Variants in PLGRKT observed in about 807,000 individuals in gnomAD.
PLGRKT encodes the protein plasminogen receptor with a C-terminal lysine.
A neutral mutation model predicts 18.5 loss-of-function variants in PLGRKT; 22 were observed. The ratio of observed to expected loss-of-function variants is 1.19; its 90% CI spans 0.85 to 1.70. The LOEUF is 1.70. Among genes scored for constraint, PLGRKT ranks in the 40% most tolerant of loss-of-function variants. PLGRKT has a pLI of 0.00. For missense variants in PLGRKT, 235 were observed against 174.4 expected, an observed-to-expected ratio of 1.35 and a Z score of -1.96; for synonymous variants, 72 against 52.8, an observed-to-expected ratio of 1.36 and a Z score of -1.58.
chr9:5,378,678 A>G (rs996711604), intron 3 of PLGRKT, among the ~76,000 whole-genome samples: 9 of 152,218 alleles, frequency 5.9e-5, no homozygotes, highest in Non-Finnish European at 7.3e-5. Flanking sequence ...ATTAATGAAG[A>G]AGATAGAAGA....
At chr9:5,388,900 T>C (rs1371530228) in intron 3 of PLGRKT, among the ~76,000 whole-genome samples, 1 of 152,078 alleles carries the variant, frequency 6.6e-6, no homozygotes, top group Non-Finnish European at 1.5e-5. Context: ...AAGTGCTAAA[T>C]AAGTATTAGG....
intron 3 of PLGRKT, among the ~76,000 whole-genome samples, chr9:5,383,636 A>G (rs189066918): frequency 9.5e-4 from 145 of 152,302 alleles, no homozygotes; most frequent in African/African-American, 3.4e-3. Flanking sequence ...GATGGGAGAT[A>G]GTGACAGGTC....
chr9:5,414,299 T>G (rs1049499354), intron 3 of PLGRKT, among the ~76,000 whole-genome samples: 1 of 152,158 alleles, frequency 6.6e-6, no homozygotes, highest in Non-Finnish European at 1.5e-5. Context: ...CCCAAGTAGC[T>G]GGTATTACAG....
chr9:5,435,417 A>G (rs563431878), intron 2 of PLGRKT, among the ~76,000 whole-genome samples: 3 of 151,260 alleles, frequency 2.0e-5, no homozygotes, highest in Non-Finnish European at 4.4e-5. Flanking sequence ...TCCCTCTCCT[A>G]CATGCCCCTT....
At chr9:5,426,487 A>T (rs1378743432) in intron 3 of PLGRKT, among the ~76,000 whole-genome samples, 1 of 152,200 alleles carries the variant, frequency 6.6e-6, no homozygotes, top group Non-Finnish European at 1.5e-5. Flanking sequence ...CCCAGGGAGG[A>T]TCAGAACTCA....
chr9:5,432,608 C>T (rs535239966), intron 2 of PLGRKT, among the ~76,000 whole-genome samples: 12 of 152,172 alleles, frequency 7.9e-5, no homozygotes, highest in African/African-American at 2.7e-4. Context: ...GGTGATTCTC[C>T]TGTCTCGGCC....
At chr9:5,393,619 T>C (rs1361739234) in intron 3 of PLGRKT, among the ~76,000 whole-genome samples, 3 of 151,796 alleles carry the variant, frequency 2.0e-5, no homozygotes, top group Non-Finnish European at 2.9e-5. Flanking sequence ...TTCTTAACCA[T>C]TGGTAAGAAA....
intron 3 of PLGRKT, among the ~76,000 whole-genome samples, chr9:5,378,286 G>T (rs367737350): frequency 1.3e-5 from 2 of 152,328 alleles, no homozygotes; most frequent in East Asian, 3.9e-4. Context: ...CAAGCGATGA[G>T]AACCTTCCTT....
intron 2 of PLGRKT, among the ~76,000 whole-genome samples, chr9:5,436,287 A>G (rs1818958041): frequency 6.6e-6 from 1 of 152,274 alleles, no homozygotes; most frequent in Admixed American, 6.5e-5. Flanking sequence ...TGCACAAAGC[A>G]TGAGAGATAC....
chr9:5,429,572 T>C (rs976509096), intron 3 of PLGRKT, among the ~76,000 whole-genome samples: 1 of 152,252 alleles, frequency 6.6e-6, no homozygotes, highest in Non-Finnish European at 1.5e-5. Flanking sequence ...ATTCACATTG[T>C]ATGGTCCCGG....
At chr9:5,421,755 T>C (rs1818579343) in intron 3 of PLGRKT, among the ~76,000 whole-genome samples, 1 of 152,180 alleles carries the variant, frequency 6.6e-6, no homozygotes, top group South Asian at 2.1e-4. Context: ...TATACTCACA[T>C]GTGGGAAATG....
chr9:5,411,384 C>CAA lies in PLGRKT; in HGVS notation c.81+20511_81+20512dup, dbSNP rs78144379. On this transcript the variant is annotated intron_variant, in intron 3 of 5. Coordinates refer to ENST00000223864, the MANE Select transcript of PLGRKT (RefSeq NM_018465.4). ...TGGGAGACAGAGCAAGACCCTGTTT[C>CAA]AAAAAAAAAAAAAAAGAAAAGAAAA... is the stretch of plus-strand genomic sequence containing the variant. 1.3e-3 allele frequency among the ~76,000 whole-genome samples: 156 copies of CAA among 122,458 alleles called. 1 individual carries two copies. The East Asian group carries it at 0.017, about 13-fold the overall frequency. The allele number at this position is 122,458 out of a possible 152,430, so 80.3% of individuals were successfully genotyped here.
rs1048073668 is a variant in PLGRKT, at chr9:5,398,773, T to C, written c.81+33124A>G. Among the ~76,000 whole-genome samples the C allele has an allele frequency of 5.3e-5, 8 of 151,902 alleles. 1 individual carries two copies. The highest frequency in any genetic ancestry group is 2.0e-4 in the Admixed American group (3 of 15,272). ...TAAAAGAAGGCGCCACATGATGTTA[T>C]AATATTGGGTAGCATTTTACCACCA... On this transcript the variant is annotated intron_variant, in intron 3 of 5. Coordinates refer to ENST00000223864, the MANE Select transcript of PLGRKT (RefSeq NM_018465.4).
intron 3 of PLGRKT, among the ~76,000 whole-genome samples, chr9:5,371,803 T>G (rs1409089301): frequency 6.6e-6 from 1 of 152,000 alleles, no homozygotes; most frequent in Non-Finnish European, 1.5e-5. Context: ...CTGTATTTCC[T>G]CATTTTAAAG....
At chr9:5,374,695 C>T (rs1458940304) in intron 3 of PLGRKT, among the ~76,000 whole-genome samples, 1 of 152,114 alleles carries the variant, frequency 6.6e-6, no homozygotes, top group Non-Finnish European at 1.5e-5. Flanking sequence ...TTAGGCAAGT[C>T]TTTAAGCTAG....
chr9:5,400,629 A>T (rs1054846362), intron 3 of PLGRKT, among the ~76,000 whole-genome samples: 1 of 151,940 alleles, frequency 6.6e-6, no homozygotes, highest in Non-Finnish European at 1.5e-5. Flanking sequence ...GCACTGTGTA[A>T]AATAATTTGA....
chr9:5,380,895 A>G (rs1302650460), intron 3 of PLGRKT, among the ~76,000 whole-genome samples: 1 of 152,146 alleles, frequency 6.6e-6, no homozygotes, highest in Non-Finnish European at 1.5e-5. Flanking sequence ...GTAGGAGGTG[A>G]TTGGATCATG....
At chr9:5,362,334 A>C (rs1225736528) in intron 3 of PLGRKT, among the ~76,000 whole-genome samples, 1 of 152,182 alleles carries the variant, frequency 6.6e-6, no homozygotes, top group Non-Finnish European at 1.5e-5. Flanking sequence ...ATATCATACC[A>C]CAATATCATA....
chr9:5,358,401 C>A, intron 5 of PLGRKT, 41 bp from the exon 6 acceptor site: 1 of 1,600,704 alleles, frequency 6.2e-7, no homozygotes, highest in Non-Finnish European at 8.5e-7. Context: ...ACAAAGGGGT[C>A]ATCAGCAATT....
Sources: gnomAD v4.1 joint callset for allele counts (sites outside exome capture counted in the v4.1 genomes callset) on GRCh38, gnomAD v4.1.1 for gene constraint, MANE v1.5 for transcripts, NCBI Gene and HGNC (gene_info 2026-07-23, HGNC 2026-07-21) for gene names.